The following PLEKHG1 variants were observed in gnomAD, a reference collection of about 807,000 sequenced individuals.
PLEKHG1 encodes the protein pleckstrin homology and RhoGEF domain containing G1.
In PLEKHG1, 44 loss-of-function variants were observed where a neutral mutation model predicts 100.8. The observed-to-expected ratio is 0.44, with a 90% CI of 0.34 to 0.56. The LOEUF (loss-of-function observed/expected upper bound fraction) is 0.56, where lower values mean the gene tolerates loss of function less well. PLEKHG1 is among the 20% of genes least tolerant of loss of function. The pLI, the probability that PLEKHG1 is intolerant of heterozygous loss-of-function variation, is 0.01. For missense variants in PLEKHG1, 1,545 were observed against 1,720.9 expected (o/e 0.90, Z 1.81); for synonymous variants, 640 against 662.5 (o/e 0.97, Z 0.52).
chr6:150,833,199 C>T (rs1206425714), intron 15 of PLEKHG1, among the ~76,000 whole-genome samples: 11 of 152,034 alleles, frequency 7.2e-5, no homozygotes, highest in East Asian at 3.9e-4. Flanking sequence ...TGTACCACCA[C>T]GCCCCGCTAA....
At chr6:150,797,448 A>G (rs770061780) in intron 5 of PLEKHG1, among the ~76,000 whole-genome samples, 4 of 152,140 alleles carry the variant, frequency 2.6e-5, no homozygotes, top group Non-Finnish European at 5.9e-5. Context: ...AGGCAGGAGG[A>G]TAGCTTGAGC....
chr6:150,653,067 T>G (rs1289402805), intron 3 of PLEKHG1, among the ~76,000 whole-genome samples: 1 of 152,200 alleles, frequency 6.6e-6, no homozygotes, highest in Non-Finnish European at 1.5e-5. Flanking sequence ...AGAAGTTCTT[T>G]TCTCTAACTT....
chr6:150,638,733 AT>A (rs1778125320), intron 2 of PLEKHG1, among the ~76,000 whole-genome samples: 1 of 152,166 alleles, frequency 6.6e-6, no homozygotes, highest in Non-Finnish European at 1.5e-5. Flanking sequence ...CTGAAACTTA[AT>A]TTCTCAAATT....
intron 2 of PLEKHG1, among the ~76,000 whole-genome samples, chr6:150,739,089 TGGCCTCAGATATAGTTCAC>T (rs568961650): frequency 3.7e-4 from 57 of 152,344 alleles, no homozygotes; most frequent in Non-Finnish European, 6.9e-4. Context: ...TCATAAGATT[TGGCCTCAGATATAGTTCAC>T]GGCCTGTTGT....
chr6:150,829,858 GGTC>G (rs1358430705), intron 14 of PLEKHG1, among the ~76,000 whole-genome samples: 1 of 152,062 alleles, frequency 6.6e-6, no homozygotes, highest in African/African-American at 2.4e-5. Flanking sequence ...TGGAGTGTGT[GGTC>G]GGGTCAGCAG....
chr6:150,661,153 C>T (rs967343974), intron 3 of PLEKHG1, among the ~76,000 whole-genome samples: 3 of 152,176 alleles, frequency 2.0e-5, no homozygotes, highest in Admixed American at 1.3e-4. Flanking sequence ...TGGTCTCACT[C>T]GCCTTGTCTA....
chr6:150,795,693 G>T (rs186542160), intron 4 of PLEKHG1, among the ~76,000 whole-genome samples, 163 bp from the exon 6 acceptor site: 1 of 150,698 alleles, frequency 6.6e-6, no homozygotes, highest in East Asian at 1.9e-4. Context: ...TTGTACTCCA[G>T]CCTGGCCAAC....
chr6:150,720,347 T>C (rs926207732), upstream of PLEKHG1, among the ~76,000 whole-genome samples: 11 of 152,230 alleles, frequency 7.2e-5, no homozygotes, highest in African/African-American at 2.7e-4. Flanking sequence ...AGGTCTCACT[T>C]ACTAAAGTAT....
At chr6:150,674,765 C>T (rs1342579310) in intron 3 of PLEKHG1, among the ~76,000 whole-genome samples, 2 of 151,120 alleles carry the variant, frequency 1.3e-5, no homozygotes, top group Non-Finnish European at 2.9e-5. Flanking sequence ...TCACTGCAAC[C>T]TCCACCTCCT....
intron 3 of PLEKHG1, among the ~76,000 whole-genome samples, chr6:150,698,166 A>G (rs1312443162): frequency 6.6e-6 from 1 of 152,202 alleles, no homozygotes; most frequent in Non-Finnish European, 1.5e-5. Flanking sequence ...TAGGTTTCCT[A>G]TATACCTCAT....
rs146164013 is a variant in PLEKHG1, at chr6:150,831,677, C to T, written c.2566C>T (p.Arg856Cys). The T allele has an allele frequency of 1.7e-5, 27 of 1,612,862 alleles. No individual in the cohort carries two copies. In the African/African-American group the frequency reaches 1.9e-4, roughly 11 times the overall value. Residue 856 changes from arginine to cysteine, a missense_variant, in exon 15 of 16, where the codon CGT becomes TGT. Transcript: ENST00000358517. The surrounding 1 kb of genome is among the most constrained non-coding windows in gnomAD (Gnocchi z 4.1). ...GAAAAATGAAGACAAGGCCAGAGACCGTCTCCTGGCAGCGTTTCCTGTGAG... is the reference window on the plus strand; with the variant it reads ...GAAAAATGAAGACAAGGCCAGAGACTGTCTCCTGGCAGCGTTTCCTGTGAG...
chr6:150,786,842 C>T (rs1785652528), intron 4 of PLEKHG1, among the ~76,000 whole-genome samples: 1 of 151,746 alleles, frequency 6.6e-6, no homozygotes, highest in Non-Finnish European at 1.5e-5. Context: ...CCAGCCTGGC[C>T]AACATGGTGA....
At chr6:150,688,081 T>C (rs959803023) in intron 3 of PLEKHG1, among the ~76,000 whole-genome samples, 4 of 152,210 alleles carry the variant, frequency 2.6e-5, no homozygotes, top group Admixed American at 2.0e-4. Flanking sequence ...GGCTGTTCTA[T>C]GTTCTTAACT....
At chr6:150,802,477 T>A (rs1378201240) in intron 6 of PLEKHG1, among the ~76,000 whole-genome samples, 1 of 121,848 alleles carries the variant, frequency 8.2e-6, no homozygotes, top group Non-Finnish European at 1.6e-5. Flanking sequence ...GTTAAGCATA[T>A]GAAACAAGTC....
At chr6:150,808,445 G>A (rs369922529) in intron 7 of PLEKHG1, among the ~76,000 whole-genome samples, 65 of 152,082 alleles carry the variant, frequency 4.3e-4, no homozygotes, top group Middle Eastern at 6.8e-3. Context: ...CAGAGAGGAG[G>A]GGTGAGAAAA....
intron 2 of PLEKHG1, among the ~76,000 whole-genome samples, chr6:150,745,324 CA>C (rs1410632657): frequency 6.6e-6 from 1 of 152,184 alleles, no homozygotes; most frequent in Non-Finnish European, 1.5e-5. Context: ...TGCAGTCCAT[CA>C]GTGACCAAAA....
At chr6:150,838,234 G>C (rs1777331555) in intron 15 of PLEKHG1, among the ~76,000 whole-genome samples, 1 of 152,198 alleles carries the variant, frequency 6.6e-6, no homozygotes, top group South Asian at 2.1e-4. Flanking sequence ...GTCATATATA[G>C]GATACATTTC....
At chr6:150,733,680 C>A (rs998871699) in exon 2 of PLEKHG1, 2 of 1,614,194 alleles carry the variant, frequency 1.2e-6, no homozygotes, top group Non-Finnish European at 1.7e-6. Flanking sequence ...GAACTGAAGA[C>A]AATGGAGCTC....
intron 4 of PLEKHG1, among the ~76,000 whole-genome samples, chr6:150,789,946 G>C (rs1004397920): frequency 6.6e-6 from 1 of 152,180 alleles, no homozygotes; most frequent in African/African-American, 2.4e-5. Context: ...TCCTGGGGAT[G>C]GTCATTGCCA....
Sources: allele counts gnomAD v4.1 joint callset (sites outside exome capture counted in the v4.1 genomes callset), GRCh38; gene constraint gnomAD v4.1.1; non-coding constraint Gnocchi (gnomAD v3.1); transcripts MANE v1.5; gene names NCBI Gene and HGNC (gene_info 2026-07-23, HGNC 2026-07-21).